The following ZMAT4 variants were observed in gnomAD, a reference collection of about 807,000 sequenced individuals.
ZMAT4 encodes the protein zinc finger matrin-type protein 4.
A neutral mutation model predicts 28.7 loss-of-function variants in ZMAT4; 17 were observed. The ratio of observed to expected loss-of-function variants is 0.59; its 90% CI spans 0.41 to 0.89. ZMAT4 has a LOEUF of 0.89. Ranked by LOEUF, ZMAT4 falls within the 40% of genes least tolerant of loss-of-function variation. The pLI is 0.00. For synonymous variants in ZMAT4, 117 were observed against 109.2 expected, an observed-to-expected ratio of 1.07 and a Z score of -0.44; for missense variants, 240 against 283.8, an observed-to-expected ratio of 0.85 and a Z score of 1.11.
chr8:40,542,383 T>G lies in ZMAT4; in HGVS notation c.675-10145A>C, dbSNP rs1258451088. ...ATTTTTAATTTAATTTTGTTTTATT[T>G]ATTTATTTATTTATTTATTTTTAGA... On this transcript the variant is annotated intron_variant, in intron 6 of 6. Transcript: ENST00000297737. Among the ~76,000 whole-genome samples the G allele has an allele frequency of 5.3e-5, 8 of 152,046 alleles. No individual in the cohort carries two copies. The East Asian group carries it at 1.5e-3, about 29-fold the overall frequency.
At chr8:40,862,427 G>C (rs1461257613) in intron 1 of ZMAT4, among the ~76,000 whole-genome samples, 26 of 120,854 alleles carry the variant, frequency 2.2e-4, no homozygotes, top group African/African-American at 7.8e-4. Flanking sequence ...TGGTGGGGTC[G>C]GGGGAGGGGG....
At chr8:40,849,934 C>A (rs1817041388) in intron 1 of ZMAT4, among the ~76,000 whole-genome samples, 1 of 151,318 alleles carries the variant, frequency 6.6e-6, no homozygotes, top group African/African-American at 2.4e-5. Context: ...CCTGGCACAA[C>A]CATTCACCCC....
At chr8:40,726,239 C>T (rs1811313576) in intron 3 of ZMAT4, among the ~76,000 whole-genome samples, 1 of 152,172 alleles carries the variant, frequency 6.6e-6, no homozygotes, top group African/African-American at 2.4e-5. Flanking sequence ...TTTATTTGGT[C>T]AAAGATATTT....
At chr8:40,634,024 G>C (rs2118735919) in intron 5 of ZMAT4, among the ~76,000 whole-genome samples, 1 of 152,308 alleles carries the variant, frequency 6.6e-6, no homozygotes, top group East Asian at 1.9e-4. Context: ...ACCTCCCCTG[G>C]ACCCTGAGGT....
intron 3 of ZMAT4, among the ~76,000 whole-genome samples, chr8:40,720,413 C>G (rs1303524224): frequency 6.6e-6 from 1 of 152,092 alleles, no homozygotes; most frequent in African/African-American, 2.4e-5. Flanking sequence ...ATCCCCTCCT[C>G]CTTGCTGTAA....
intron 3 of ZMAT4, among the ~76,000 whole-genome samples, chr8:40,751,687 G>A (rs995858108): frequency 1.2e-4 from 18 of 152,198 alleles, no homozygotes; most frequent in South Asian, 4.2e-4. Context: ...TTAGGGCAGC[G>A]ATGACCAAGA....
At chr8:40,755,965 A>G (rs2150550773) in intron 3 of ZMAT4, among the ~76,000 whole-genome samples, 1 of 152,250 alleles carries the variant, frequency 6.6e-6, no homozygotes. Context: ...ATTGCCCTTC[A>G]GGTCTTCCAG....
chr8:40,719,303 C>T (rs1235215007), intron 3 of ZMAT4, among the ~76,000 whole-genome samples: 7 of 151,958 alleles, frequency 4.6e-5, no homozygotes, highest in Non-Finnish European at 1.0e-4. Flanking sequence ...ATTACCCAGG[C>T]GTGGTGGCAG....
chr8:40,551,821 T>C (rs867044156), intron 6 of ZMAT4, among the ~76,000 whole-genome samples: 2 of 152,192 alleles, frequency 1.3e-5, no homozygotes, highest in African/African-American at 4.8e-5. Flanking sequence ...AAATGAAAGT[T>C]GTGGCATGAT....
intron 1 of ZMAT4, among the ~76,000 whole-genome samples, chr8:40,865,382 C>T (rs1378990295): frequency 6.6e-6 from 1 of 152,254 alleles, no homozygotes; most frequent in Non-Finnish European, 1.5e-5. Flanking sequence ...TGCATCACCA[C>T]TGCAGCCTGT....
At chr8:40,869,306 T>C (rs1022405333) in intron 1 of ZMAT4, among the ~76,000 whole-genome samples, 1 of 152,224 alleles carries the variant, frequency 6.6e-6, no homozygotes, top group African/African-American at 2.4e-5. Context: ...AGATCCCCAG[T>C]GAACATTTAC....
At chr8:40,635,219 A>G (rs995442214) in intron 5 of ZMAT4, among the ~76,000 whole-genome samples, 5 of 152,208 alleles carry the variant, frequency 3.3e-5, no homozygotes, top group African/African-American at 1.2e-4. Context: ...AGGCATCGAA[A>G]TATAAAAGAT....
intron 5 of ZMAT4, among the ~76,000 whole-genome samples, chr8:40,606,972 C>A (rs1805613892): frequency 6.6e-6 from 1 of 151,960 alleles, no homozygotes; most frequent in Non-Finnish European, 1.5e-5. Flanking sequence ...CTCAGAAGTT[C>A]TTTCTTCTAC....
chr8:40,642,012 A>C (rs2118767705), intron 5 of ZMAT4, among the ~76,000 whole-genome samples: 1 of 152,302 alleles, frequency 6.6e-6, no homozygotes, highest in African/African-American at 2.4e-5. Flanking sequence ...ATTTGATTGA[A>C]ATTTAAACTT....
intron 4 of ZMAT4, among the ~76,000 whole-genome samples, chr8:40,681,844 A>C (rs1294188904): frequency 2.6e-5 from 4 of 152,210 alleles, no homozygotes; most frequent in Non-Finnish European, 5.9e-5. Context: ...AGATTAAATA[A>C]ATTTTAGTCA....
intron 5 of ZMAT4, among the ~76,000 whole-genome samples, chr8:40,595,075 A>G (rs1327018056): frequency 3.3e-5 from 5 of 152,248 alleles, no homozygotes; most frequent in Admixed American, 6.5e-5. Context: ...ATAAAAAGAA[A>G]AAGCAAAAGG....
intron 1 of ZMAT4, among the ~76,000 whole-genome samples, chr8:40,826,474 A>G (rs920282724): frequency 7.2e-5 from 11 of 152,168 alleles, no homozygotes; most frequent in South Asian, 4.1e-4. Flanking sequence ...TCATTTTTAA[A>G]TTTTTCTTCA....
intron 2 of ZMAT4, among the ~76,000 whole-genome samples, chr8:40,801,667 T>C (rs1814856525): frequency 6.6e-6 from 1 of 151,990 alleles, no homozygotes; most frequent in Non-Finnish European, 1.5e-5. Flanking sequence ...CGAAACTCTG[T>C]CTTAAAAAAA....
chr8:40,807,561 G>T (rs115346227), intron 2 of ZMAT4, among the ~76,000 whole-genome samples: 8 of 152,134 alleles, frequency 5.3e-5, no homozygotes, highest in Non-Finnish European at 1.0e-4. Flanking sequence ...CTTACAAGCC[G>T]GCATGGCTCT....
Sources: gnomAD v4.1 joint callset for allele counts (sites outside exome capture counted in the v4.1 genomes callset) on GRCh38, gnomAD v4.1.1 for gene constraint, MANE v1.5 for transcripts, NCBI Gene and HGNC (gene_info 2026-07-23, HGNC 2026-07-21) for gene names.